RAB11FIP1: variants seen among roughly 807,000 people sequenced by gnomAD.
RAB11FIP1 encodes rab11 family-interacting protein 1.
A neutral mutation model predicts 83.1 loss-of-function variants in RAB11FIP1; 49 were observed. The ratio of observed to expected loss-of-function variants is 0.59; its 90% CI spans 0.47 to 0.75. RAB11FIP1 has a LOEUF of 0.75. RAB11FIP1 is among the 30% of genes least tolerant of loss of function. The pLI is 0.00. For synonymous variants in RAB11FIP1, 670 were observed against 656.0 expected (o/e 1.02, Z -0.33); for missense variants, 1,536 against 1,598.7 (o/e 0.96, Z 0.67).
At chr8:37,863,891 C>T (rs1371398957) in intron 5 of RAB11FIP1, among the ~76,000 whole-genome samples, 4 of 152,206 alleles carry the variant, frequency 2.6e-5, no homozygotes, top group African/African-American at 4.8e-5. Flanking sequence ...GAGCTGGTGA[C>T]GACTCCCAAG....
At chr8:37,868,431 A>G (rs7841767) in intron 5 of RAB11FIP1, among the ~76,000 whole-genome samples, 3,024 of 152,114 alleles carry the variant, frequency 0.02, 99 homozygotes, top group African/African-American at 0.068. Context: ...TCAAAAAAAA[A>G]AAAAAAGAAA....
intron 1 of RAB11FIP1, among the ~76,000 whole-genome samples, chr8:37,880,214 T>G (rs983983062): frequency 1.3e-5 from 2 of 152,070 alleles, no homozygotes; most frequent in African/African-American, 4.8e-5. Flanking sequence ...TCCCAGTGCT[T>G]TGGGAGTCTG....
At chr8:37,890,664 C>T (rs1585447208) in intron 1 of RAB11FIP1, among the ~76,000 whole-genome samples, 1 of 151,632 alleles carries the variant, frequency 6.6e-6, no homozygotes, top group Non-Finnish European at 1.5e-5. Context: ...AAAGGGTACT[C>T]AGGAGGCTGA....
intron 3 of RAB11FIP1, 106 bp from the exon 4 acceptor site, chr8:37,873,285 C>G: frequency 7.9e-7 from 1 of 1,258,082 alleles, no homozygotes; most frequent in Non-Finnish European, 1.1e-6. Flanking sequence ...CGTCTTTACA[C>G]GTGGGGCAGT....
At chr8:37,898,911 G>C (rs1411513387) in intron 1 of RAB11FIP1, among the ~76,000 whole-genome samples, 160 bp downstream of exon 1, 1 of 152,056 alleles carries the variant, frequency 6.6e-6, no homozygotes, top group Non-Finnish European at 1.5e-5. Flanking sequence ...GCCGCAGAAG[G>C]GGAAGCCAGG....
Position 37,874,566 on chromosome 8 carries a change from C to G in RAB11FIP1, c.1571G>C (p.Arg524Thr). ...AGCCCTCGGAGAGGAAATTGGAGGT[C>G]TCGGTTCAGACTTGGACTCTGGCTC... is the stretch of plus-strand genomic sequence containing the variant. ...EAEPESKSEP[R>T]PPISSPRAPQ... is the part of the protein sequence containing the mutation. Residue 524 changes from arginine (R) to threonine (T), a missense_variant, in exon 3 of 6, where the codon AGA (arginine) becomes ACA (threonine). By Grantham distance (71) the Arg-to-Thr change is moderately conservative. Coordinates refer to ENST00000330843, the MANE Select transcript of RAB11FIP1 (RefSeq NM_001002814.3). The G allele has an allele frequency of 6.2e-7, 1 of 1,614,194 alleles. No individual in the cohort carries two copies. Among genetic ancestry groups the G allele is most frequent in the Non-Finnish European group, 8.5e-7 (1 of 1,180,036 alleles).
intron 2 of RAB11FIP1, among the ~76,000 whole-genome samples, chr8:37,876,763 C>T (rs894201922): frequency 2.0e-5 from 3 of 151,676 alleles, no homozygotes; most frequent in Non-Finnish European, 2.9e-5. Flanking sequence ...AGCCTAGCCT[C>T]CTGAGTAGCT....
At position 37,871,967 on chromosome 8, in the gene RAB11FIP1, T is replaced by C. The variant is rs527335313; in HGVS notation, c.2835A>G (p.Ser945=). 3.0e-5 allele frequency: 49 copies of C among 1,614,232 alleles called. No homozygotes were observed. In the East Asian group the frequency reaches 7.4e-4, roughly 24 times the overall value. ...SDPLSDLQLV[S]DFKSPIMADL... The stretch of plus-strand genomic sequence containing the variant: ...CGGCCATGATTGGAGATTTAAAATC[T>C]GAGACCAACTGAAGGTCACTCAAGG... The change falls in exon 4 of 6, where the codon TCA becomes TCG. Residue 945 remains serine (S), a synonymous_variant. Coordinates refer to ENST00000330843, the MANE Select transcript of RAB11FIP1 (RefSeq NM_001002814.3).
At position 37,863,085 on chromosome 8, in the gene RAB11FIP1, G is replaced by C; in HGVS notation, c.3662C>G (p.Ala1221Gly). Reference protein sequence around the residue: ...KKYSPSDPAFAYAQLTHDELI... With the variant: ...KKYSPSDPAFGYAQLTHDELI... ...CTCATCGTGGGTCAGCTGCGCATAT[G>C]CAAATGCAGGGTCCGAGGGGCTGTA... Residue 1221 changes from alanine to glycine, a missense_variant, in exon 6 of 6, where the codon GCA becomes GGA. By Grantham distance (60) the Ala-to-Gly change is moderately conservative. Transcript: ENST00000330843. 6.2e-7 allele frequency: 1 copy of C among 1,612,598 alleles called. No homozygotes were observed. The highest frequency in any genetic ancestry group is 8.5e-7 in the Non-Finnish European group (1 of 1,179,984).
intron 5 of RAB11FIP1, 33 bp downstream of exon 5, chr8:37,870,387 C>G (rs1400056454): frequency 7.7e-7 from 1 of 1,298,040 alleles, no homozygotes; most frequent in Middle Eastern, 1.8e-4. Context: ...CTGTCAATCC[C>G]TAACGAACAC....
In RAB11FIP1 at chr8:37,899,040, G is replaced by A; in HGVS notation, c.371+31C>T. On this transcript the variant is annotated intron_variant, in intron 1 of 5. Coordinates refer to ENST00000330843, the MANE Select transcript of RAB11FIP1 (RefSeq NM_001002814.3). This position sits in a 1 kb window ranked among gnomAD's most constrained non-coding sequence, Gnocchi z 4.5. ...CTGCCGGAGGGGTCCGCGCCCCCAG[G>A]CCGGGCCCTCCCCTCCCCGCCCGCA... The A allele has an allele frequency of 2.1e-6, 3 of 1,442,934 alleles. No individual in the cohort carries two copies. Among genetic ancestry groups the A allele is most frequent in the Admixed American group, 2.7e-5 (1 of 37,448 alleles). 89.4% of individuals were successfully genotyped at this position (1,442,934 alleles called of 1,614,324 possible).
chr8:37,866,166 T>G (rs1806338580), intron 5 of RAB11FIP1, among the ~76,000 whole-genome samples: 1 of 151,796 alleles, frequency 6.6e-6, no homozygotes, highest in Non-Finnish European at 1.5e-5. Context: ...AAACCTCTTC[T>G]CTACTAAAAA....
At chr8:37,886,423 T>G (rs1226867921) in intron 1 of RAB11FIP1, among the ~76,000 whole-genome samples, 2 of 152,226 alleles carry the variant, frequency 1.3e-5, no homozygotes, top group African/African-American at 4.8e-5. Flanking sequence ...GAATAAATAC[T>G]GCATCCCCGT....
In RAB11FIP1 at chr8:37,872,173, C is replaced by A; in HGVS notation, c.2629G>T (p.Ala877Ser). The change falls in exon 4 of 6, where the codon GCG becomes TCG. Residue 877 changes from alanine to serine, a missense_variant. Coordinates refer to ENST00000330843, the MANE Select transcript of RAB11FIP1 (RefSeq NM_001002814.3). ...AGGTGATCCGCTGGGGAGGCTGGCG[C>A]ACCACACGTCGCTGGCCCAGGTGTG... ...VTTPGPATCG[A>S]PASPADHLLL... 2 of 1,614,036 alleles carry A rather than the reference C, an allele frequency of 1.2e-6. No homozygotes were observed. Among genetic ancestry groups the A allele is most frequent in the South Asian group, 2.2e-5 (2 of 91,068 alleles).
chr8:37,864,342 G>C (rs769105631), intron 5 of RAB11FIP1, among the ~76,000 whole-genome samples: 2 of 152,192 alleles, frequency 1.3e-5, no homozygotes, highest in South Asian at 2.1e-4. Context: ...TAAGTCCCCA[G>C]TAAGGAAAAA....
chr8:37,896,496 A>AG (rs1491421061), intron 1 of RAB11FIP1, among the ~76,000 whole-genome samples: 1 of 152,162 alleles, frequency 6.6e-6, no homozygotes, highest in African/African-American at 2.4e-5. Flanking sequence ...ATTTTAAGAA[A>AG]GAAAAAAAAA....
rs369362256 is a variant in RAB11FIP1, at chr8:37,877,182, C to G, written c.741G>C (p.Leu247=). Residue 247 remains leucine, a synonymous_variant, in exon 2 of 6, where the codon CTG becomes CTC. Transcript: ENST00000330843. ...VLPTSKPEKV[L]LRPGDFQSQW... ...GGGACTGAAAGTCTCCGGGACGAAG[C>G]AGCACTTTTTCTGGCTTTGAAGTCG... 6 of 1,614,052 alleles carry G rather than the reference C, an allele frequency of 3.7e-6. No individual in the cohort carries two copies. The highest frequency in any genetic ancestry group is 5.1e-6 in the Non-Finnish European group (6 of 1,180,044).
rs773565877 is a variant in RAB11FIP1, at chr8:37,873,040, A to G, written c.1762T>C (p.Ser588Pro). ...SELGHGADTQ[S>P]SESPSVFSSL... ...GAGAAGACAGAAGGACTCTCAGAGG[A>G]CTGTGTGTCTGCACCATGTCCCAAT... is the stretch of plus-strand genomic sequence containing the variant. The change falls in exon 4 of 6, where the codon TCC becomes CCC. Residue 588 changes from serine (S) to proline (P), a missense_variant. Physicochemically the swap from Ser to Pro is moderately conservative, Grantham distance 74 (BLOSUM62 -1). Transcript: ENST00000330843. 1.9e-6 allele frequency: 3 copies of G among 1,614,078 alleles called. No individual in the cohort carries two copies. The highest frequency in any genetic ancestry group is 2.5e-6 in the Non-Finnish European group (3 of 1,180,020).
intron 1 of RAB11FIP1, among the ~76,000 whole-genome samples, chr8:37,878,895 A>G (rs1360245191): frequency 1.3e-5 from 2 of 152,048 alleles, no homozygotes; most frequent in African/African-American, 4.8e-5. Flanking sequence ...GCTACTCAAC[A>G]TGAGCCTAGG....
Sources: gnomAD v4.1 joint callset for allele counts (sites outside exome capture counted in the v4.1 genomes callset) on GRCh38, gnomAD v4.1.1 for gene constraint, Gnocchi (gnomAD v3.1) non-coding constraint, MANE v1.5 for transcripts, NCBI Gene and HGNC (gene_info 2026-07-23, HGNC 2026-07-21) for gene names.